Variants in ST6GALNAC3 observed in about 807,000 individuals in gnomAD.
The protein encoded by ST6GALNAC3 is ST6 N-acetylgalactosaminide alpha-2,6-sialyltransferase 3, also known as alpha-N-acetylgalactosaminide alpha-2,6-sialyltransferase 3.
In ST6GALNAC3, 25 loss-of-function variants were observed where a neutral mutation model predicts 32.7. That is an observed-to-expected ratio of 0.76 (90% CI 0.56 to 1.07). The LOEUF (loss-of-function observed/expected upper bound fraction) is 1.07, where lower values mean the gene tolerates loss of function less well. ST6GALNAC3 is among the 50% of genes least tolerant of loss of function. ST6GALNAC3 has a pLI of 0.00. For synonymous variants in ST6GALNAC3, 129 were observed against 133.1 expected, an observed-to-expected ratio of 0.97 and a Z score of 0.21; for missense variants, 355 against 382.4, an observed-to-expected ratio of 0.93 and a Z score of 0.60.
intron 1 of ST6GALNAC3, among the ~76,000 whole-genome samples, chr1:76,091,018 G>T (rs1028381840): frequency 6.6e-6 from 1 of 152,102 alleles, no homozygotes; most frequent in Non-Finnish European, 1.5e-5. Flanking sequence ...AATTGCGCAG[G>T]CCGAATGTTT....
At chr1:76,545,506 G>T (rs1001290294) in intron 3 of ST6GALNAC3, among the ~76,000 whole-genome samples, 19 of 151,998 alleles carry the variant, frequency 1.3e-4, no homozygotes, top group African/African-American at 4.6e-4. Context: ...GGAGGTAATA[G>T]TAATAATAAA....
chr1:76,489,478 C>G lies in ST6GALNAC3; in HGVS notation c.623+77061C>G, dbSNP rs765220922. Among the ~76,000 whole-genome samples the G allele has an allele frequency of 5.9e-4, 89 of 152,074 alleles. 1 individual carries two copies. The highest frequency in any genetic ancestry group is 1.6e-4 in the Non-Finnish European group (11 of 68,010). ...GCTCTTGCTCTTGCTCTCTGTCTCT[C>G]TCTTCCCCTCTTTCTCTTTTTGCAT... On this transcript the variant is annotated intron_variant, in intron 3 of 4. Transcript: ENST00000328299.
intron 1 of ST6GALNAC3, among the ~76,000 whole-genome samples, chr1:76,214,220 C>A (rs1321148074): frequency 6.6e-6 from 1 of 152,106 alleles, no homozygotes; most frequent in Non-Finnish European, 1.5e-5. Flanking sequence ...ACACTAGCCA[C>A]ATTTCAAGAA....
chr1:76,138,651 T>C (rs928600665), intron 1 of ST6GALNAC3, among the ~76,000 whole-genome samples: 4 of 152,238 alleles, frequency 2.6e-5, no homozygotes, highest in Non-Finnish European at 4.4e-5. Context: ...GTATACTTTT[T>C]CTCTAAAATG....
chr1:76,566,883 A>C (rs112503781), intron 3 of ST6GALNAC3, among the ~76,000 whole-genome samples: 1 of 152,238 alleles, frequency 6.6e-6, no homozygotes, highest in Admixed American at 6.5e-5. Context: ...TATTATACCC[A>C]ATTCCTCCCA....
At chr1:76,635,976 G>A (rs536655004), downstream of ST6GALNAC3, among the ~76,000 whole-genome samples, 1 of 152,236 alleles carries the variant, frequency 6.6e-6, no homozygotes, top group East Asian at 1.9e-4. Flanking sequence ...GATATTCTTA[G>A]TCATGATGAC....
At chr1:76,341,987 G>A (rs1648077499) in intron 2 of ST6GALNAC3, among the ~76,000 whole-genome samples, 1 of 151,968 alleles carries the variant, frequency 6.6e-6, no homozygotes, top group Non-Finnish European at 1.5e-5. Context: ...GTGTTAGTTT[G>A]CTGAGAATGA....
chr1:76,568,193 A>G (rs949816275), intron 3 of ST6GALNAC3, among the ~76,000 whole-genome samples: 1 of 152,088 alleles, frequency 6.6e-6, no homozygotes, highest in Non-Finnish European at 1.5e-5. Context: ...GTACTATTAC[A>G]CCCTATTTGT....
chr1:76,485,021 C>T (rs149087795), intron 3 of ST6GALNAC3, among the ~76,000 whole-genome samples: 1,817 of 152,224 alleles, frequency 0.012, 14 homozygotes, highest in Non-Finnish European at 0.018. Flanking sequence ...TGCTGGATTA[C>T]GTTTATTGAT....
intron 1 of ST6GALNAC3, among the ~76,000 whole-genome samples, chr1:76,210,131 G>A (rs1003753204): frequency 9.2e-5 from 14 of 151,830 alleles, no homozygotes; most frequent in African/African-American, 3.1e-4. Context: ...TGCTACATAG[G>A]TATATGTGTG....
Position 76,494,743 on chromosome 1 carries a change from GCACA to G in ST6GALNAC3, c.623+82349_623+82352del, listed in dbSNP as rs34912507. The stretch of plus-strand genomic sequence containing the variant: ...GCATGAAAATATATTTCATGTGTAT[GCACA>G]CACACACACACACACACACACATAT... On this transcript the variant is annotated intron_variant, in intron 3 of 4. Coordinates refer to ENST00000328299, the MANE Select transcript of ST6GALNAC3 (RefSeq NM_152996.4). 8.4e-5 allele frequency among the ~76,000 whole-genome samples: 11 copies of G among 130,324 alleles called. 1 individual carries two copies. Among genetic ancestry groups the G allele is most frequent in the African/African-American group, 3.1e-4 (10 of 32,066 alleles). The allele number at this position is 130,324 out of a possible 152,430, so 85.5% of individuals were successfully genotyped here. A position where few individuals can be genotyped will look rare whatever the true frequency, so the allele number is the denominator to read the frequency against.
chr1:76,522,348 A>AT (rs942250925), intron 3 of ST6GALNAC3, among the ~76,000 whole-genome samples: 11 of 151,758 alleles, frequency 7.2e-5, no homozygotes, highest in African/African-American at 1.9e-4. Flanking sequence ...CAATTTGGAA[A>AT]TTTTTTTTGC....
At chr1:76,139,393 G>T (rs1650170194) in intron 1 of ST6GALNAC3, among the ~76,000 whole-genome samples, 6 of 150,676 alleles carry the variant, frequency 4.0e-5, no homozygotes, top group Admixed American at 4.0e-4. Flanking sequence ...TACACACATA[G>T]AAACACACAC....
At chr1:76,587,416 C>T (rs1244170616) in intron 3 of ST6GALNAC3, among the ~76,000 whole-genome samples, 1 of 152,140 alleles carries the variant, frequency 6.6e-6, no homozygotes, top group Non-Finnish European at 1.5e-5. Flanking sequence ...GTGACTGTGG[C>T]TTTGAGATGC....
chr1:76,109,926 G>GA (rs1209070252), intron 1 of ST6GALNAC3, among the ~76,000 whole-genome samples: 5 of 151,784 alleles, frequency 3.3e-5, no homozygotes, highest in Admixed American at 2.0e-4. Flanking sequence ...ATTTCCACTG[G>GA]AAAAAAAAGA....
chr1:76,502,232 T>C lies in ST6GALNAC3; in HGVS notation c.623+89815T>C, dbSNP rs182515951. On this transcript the variant is annotated intron_variant, in intron 3 of 4. Coordinates refer to ENST00000328299, the MANE Select transcript of ST6GALNAC3 (RefSeq NM_152996.4). ...TACCTAAAGAAAAATTAGAGCACTG[T>C]TAATTAGCAAGAAAAGGTGATGTCT... Among the ~76,000 whole-genome samples, 343 of 152,326 alleles carry C rather than the reference T, an allele frequency of 2.3e-3. 1 individual carries two copies. The highest frequency in any genetic ancestry group is 8.0e-3 in the African/African-American group (333 of 41,576).
chr1:76,611,882 AGAT>A (rs1398884588), intron 3 of ST6GALNAC3, among the ~76,000 whole-genome samples: 1 of 152,172 alleles, frequency 6.6e-6, no homozygotes, highest in African/African-American at 2.4e-5. Flanking sequence ...TTCTTGAAAG[AGAT>A]GATATGAGAA....
At chr1:76,576,031 G>A (rs1191160681) in intron 3 of ST6GALNAC3, among the ~76,000 whole-genome samples, 3 of 151,950 alleles carry the variant, frequency 2.0e-5, no homozygotes, top group Non-Finnish European at 4.4e-5. Flanking sequence ...ATCATCATTA[G>A]TCTGAGACAA....
intron 1 of ST6GALNAC3, among the ~76,000 whole-genome samples, chr1:76,147,596 A>G (rs944344226): frequency 3.9e-5 from 6 of 152,046 alleles, no homozygotes; most frequent in African/African-American, 1.5e-4. Flanking sequence ...TTACTTACAT[A>G]TTTTGTTTGT....
Sources: gnomAD v4.1 joint callset for allele counts (sites outside exome capture counted in the v4.1 genomes callset) on GRCh38, gnomAD v4.1.1 for gene constraint, MANE v1.5 for transcripts, NCBI Gene and HGNC (gene_info 2026-07-23, HGNC 2026-07-21) for gene names.